SDK1: variants seen among roughly 807,000 people sequenced by gnomAD.
SDK1 encodes the protein sidekick cell adhesion molecule 1, also known as protein sidekick-1.
SDK1 carries 157 observed loss-of-function variants against 245.5 expected under a neutral mutation model. The ratio of observed to expected loss-of-function variants is 0.64; its 90% CI spans 0.56 to 0.73. The LOEUF (loss-of-function observed/expected upper bound fraction) is 0.73. Ranked by LOEUF, SDK1 falls within the 30% of genes least tolerant of loss-of-function variation. The probability of loss-of-function intolerance (pLI) is 0.00; values close to 1 mark genes in which losing one functional copy is unlikely to be tolerated. For missense variants in SDK1, 3,583 were observed against 3,002.3 expected (o/e 1.19, Z -4.52); for synonymous variants, 1,647 against 1,278.5 (o/e 1.29, Z -6.15).
chr7:3,590,556 T>C (rs1475046586), intron 1 of SDK1, among the ~76,000 whole-genome samples: 3 of 152,156 alleles, frequency 2.0e-5, no homozygotes, highest in Non-Finnish European at 4.4e-5. Context: ...ATTCCTTGCA[T>C]TGGGCAACAG....
At chr7:3,445,468 A>G (rs543011857) in intron 1 of SDK1, among the ~76,000 whole-genome samples, 1 of 152,218 alleles carries the variant, frequency 6.6e-6, no homozygotes, top group African/African-American at 2.4e-5. Flanking sequence ...AGTTATTCAC[A>G]TGACTGAAGT....
At chr7:4,010,914 A>C in intron 14 of SDK1, 52 bp from the exon 15 acceptor site, 1 of 1,595,790 alleles carries the variant, frequency 6.3e-7, no homozygotes, top group East Asian at 2.2e-5. Flanking sequence ...ACCTCTTATT[A>C]TTCAGACATG....
chr7:3,371,081 T>C (rs1388426171), intron 1 of SDK1, among the ~76,000 whole-genome samples: 3 of 152,144 alleles, frequency 2.0e-5, no homozygotes, highest in Non-Finnish European at 4.4e-5. Context: ...ATATGATACA[T>C]GTGACAGTTG....
intron 43 of SDK1, among the ~76,000 whole-genome samples, chr7:4,243,372 A>T (rs1282637262): frequency 6.6e-6 from 1 of 152,228 alleles, no homozygotes; most frequent in Non-Finnish European, 1.5e-5. Flanking sequence ...TTAGGTTTTT[A>T]AATAAGCCAT....
At chr7:3,715,098 G>T (rs1168020328) in intron 4 of SDK1, among the ~76,000 whole-genome samples, 2 of 152,098 alleles carry the variant, frequency 1.3e-5, no homozygotes, top group African/African-American at 4.8e-5. Flanking sequence ...TGCTAAGGTT[G>T]TAATTGTCCT....
chr7:4,236,816 GT>G (rs1216042871), intron 41 of SDK1, among the ~76,000 whole-genome samples: 8 of 152,252 alleles, frequency 5.3e-5, no homozygotes, highest in Admixed American at 2.6e-4. Context: ...ACCTGGAGCT[GT>G]TTTGGGGGGT....
At chr7:4,154,404 A>T (rs773363259) in intron 30 of SDK1, among the ~76,000 whole-genome samples, 19 of 152,196 alleles carry the variant, frequency 1.2e-4, no homozygotes, top group Non-Finnish European at 2.5e-4. Flanking sequence ...GGCAGATGTT[A>T]TCTCAAAAAT....
intron 1 of SDK1, among the ~76,000 whole-genome samples, chr7:3,409,003 GAC>G (rs1227669360): frequency 1.3e-5 from 2 of 152,288 alleles, no homozygotes; most frequent in African/African-American, 4.8e-5. Context: ...GACAGTTGGA[GAC>G]ACATAGTGCT....
At chr7:3,697,692 A>C (rs922809837) in intron 4 of SDK1, among the ~76,000 whole-genome samples, 1 of 151,530 alleles carries the variant, frequency 6.6e-6, no homozygotes, top group Admixed American at 6.6e-5. Flanking sequence ...TTTATAACTT[A>C]CTCATTTCCT....
chr7:4,093,350 C>T (rs993123236), intron 22 of SDK1, among the ~76,000 whole-genome samples: 1 of 150,580 alleles, frequency 6.6e-6, no homozygotes, highest in Non-Finnish European at 1.5e-5. Context: ...GCCAAAATAA[C>T]GTCTAGTCTT....
chr7:3,573,896 C>T (rs1221547477), intron 1 of SDK1, among the ~76,000 whole-genome samples: 2 of 151,316 alleles, frequency 1.3e-5, no homozygotes, highest in African/African-American at 2.5e-5. Context: ...TGTAATTAAG[C>T]ACTATGTTTT....
At chr7:3,527,032 A>T (rs1353371594) in intron 1 of SDK1, among the ~76,000 whole-genome samples, 2 of 152,228 alleles carry the variant, frequency 1.3e-5, no homozygotes, top group East Asian at 3.9e-4. Context: ...TTAATGATGC[A>T]TTTCTGGTTT....
intron 22 of SDK1, among the ~76,000 whole-genome samples, chr7:4,091,576 C>T (rs922253448): frequency 6.6e-5 from 10 of 152,154 alleles, no homozygotes; most frequent in South Asian, 4.1e-4. Flanking sequence ...CTCCTGACCT[C>T]AGGTGATCCA....
intron 1 of SDK1, among the ~76,000 whole-genome samples, chr7:3,378,856 C>G (rs972341703): frequency 6.6e-6 from 1 of 152,044 alleles, no homozygotes; most frequent in Admixed American, 6.5e-5. Flanking sequence ...GAGTTGGTCA[C>G]TTTGTCGGCT....
intron 14 of SDK1, among the ~76,000 whole-genome samples, chr7:3,997,755 G>T (rs1025543492): frequency 3.3e-5 from 5 of 152,296 alleles, no homozygotes; most frequent in South Asian, 2.1e-4. Context: ...AGGGGGACTG[G>T]CAGCCCTGCC....
chr7:3,712,459 GTAA>G (rs1018797770), intron 4 of SDK1, among the ~76,000 whole-genome samples: 1 of 152,152 alleles, frequency 6.6e-6, no homozygotes, highest in African/African-American at 2.4e-5. Flanking sequence ...GTATTACAGT[GTAA>G]TAATAATAGA....
chr7:3,333,355 C>T (rs1180010504), intron 1 of SDK1, among the ~76,000 whole-genome samples: 5 of 152,090 alleles, frequency 3.3e-5, no homozygotes, highest in African/African-American at 1.2e-4. Flanking sequence ...AGGAGTGTGC[C>T]ATTTTCTGCA....
intron 1 of SDK1, among the ~76,000 whole-genome samples, chr7:3,561,189 G>C (rs569787127): frequency 2.6e-5 from 4 of 152,184 alleles, no homozygotes; most frequent in African/African-American, 7.2e-5. Context: ...ATCCTGATCT[G>C]TCTCCACAGT....
intron 1 of SDK1, among the ~76,000 whole-genome samples, chr7:3,500,653 C>G (rs1042678032): frequency 4.0e-5 from 6 of 150,742 alleles, no homozygotes; most frequent in South Asian, 2.1e-4. Flanking sequence ...GTGCTCGGTA[C>G]TCAGTGGATT....
Sources: allele counts gnomAD v4.1 joint callset (sites outside exome capture counted in the v4.1 genomes callset), GRCh38; gene constraint gnomAD v4.1.1; transcripts MANE v1.5; gene names NCBI Gene and HGNC (gene_info 2026-07-23, HGNC 2026-07-21).